The following ARRDC2 variants were observed in gnomAD, a reference collection of about 807,000 sequenced individuals.
The protein encoded by ARRDC2 is arrestin domain-containing protein 2.
ARRDC2 carries 39 observed loss-of-function variants against 38.9 expected under a neutral mutation model. The observed-to-expected ratio is 1.00, with a 90% confidence interval of 0.78 to 1.31. The LOEUF is 1.31. Among genes scored for constraint, ARRDC2 ranks in the 50% most tolerant of loss-of-function variants. The pLI is 0.00. For synonymous variants in ARRDC2, 300 were observed against 261.9 expected, an observed-to-expected ratio of 1.15 and a Z score of -1.41; for missense variants, 553 against 588.4, an observed-to-expected ratio of 0.94 and a Z score of 0.62.
chr19:18,008,332 G>C lies in ARRDC2; in HGVS notation c.22G>C (p.Ala8Pro). ...CGCGATGCTATTCGACAAGGTGAAA[G>C]CGTTCTCGGTGCAGTTGGACGGCGC... Reference protein sequence around the residue: MLFDKVKAFSVQLDGATA... With the variant: MLFDKVKPFSVQLDGATA... The change falls in exon 1 of 8, where the codon GCG becomes CCG. Residue 8 changes from alanine (A) to proline (P), a missense_variant. Ala to Pro is a conservative substitution (Grantham distance 27). Transcript: ENST00000222250. 1 of 1,597,104 alleles carries C rather than the reference G, an allele frequency of 6.3e-7. No individual in the cohort carries two copies. The highest frequency in any genetic ancestry group is 1.1e-5 in the South Asian group (1 of 91,020).
rs1263820136 is a variant in ARRDC2 at position 18,009,774 on chromosome 19, T to C, written c.593-9T>C. The stretch of plus-strand genomic sequence containing the variant: ...GGGGAAACTGAGGCCCCACTGCTCC[T>C]TGCTGCAGGAGAGGTCATCCCTGTC... On this transcript the variant is annotated splice_polypyrimidine_tract_variant and intron_variant, in intron 4 of 7. Coordinates refer to ENST00000222250, the MANE Select transcript of ARRDC2 (RefSeq NM_015683.2). 2 of 1,613,106 alleles carry C rather than the reference T, an allele frequency of 1.2e-6. No individual in the cohort carries two copies. Among genetic ancestry groups the C allele is most frequent in the East Asian group, 4.5e-5 (2 of 44,884 alleles).
Position 18,013,189 on chromosome 19 carries a change from C to T in ARRDC2, c.*223C>T. 1.8e-6 allele frequency: 1 copy of T among 571,382 alleles called. No homozygotes were observed. The highest frequency in any genetic ancestry group is 3.1e-6 in the Non-Finnish European group (1 of 321,018). The allele number at this position is 571,382 out of a possible 1,614,324, so 35.4% of individuals were successfully genotyped here. ...GCTGTCCTTGTGAGGCATTGAATGCCCAGTGCAGTATCCGAGAGACTGTTT... is the reference window on the plus strand; with the variant it reads ...GCTGTCCTTGTGAGGCATTGAATGCTCAGTGCAGTATCCGAGAGACTGTTT... On this transcript the variant is annotated 3_prime_UTR_variant, in exon 8 of 8. Coordinates refer to ENST00000222250, the MANE Select transcript of ARRDC2 (RefSeq NM_015683.2).
chr19:18,004,499 G>A (rs2033234407), upstream of ARRDC2, among the ~76,000 whole-genome samples: 1 of 149,870 alleles, frequency 6.7e-6, no homozygotes, highest in African/African-American at 2.4e-5. Flanking sequence ...CGCCTGCCTC[G>A]GCCTCCCAAA....
In ARRDC2 at chr19:18,009,602, C is replaced by CG; in HGVS notation, c.505dup (p.Ala169GlyfsTer12). ...CCTCTACACCGACAGGCACCTCAAG[C>CG]GGGGGCTCGGGAAAAGGTTGCCCGA... On this transcript the variant is annotated frameshift_variant, in exon 4 of 8. Coordinates refer to ENST00000222250, the MANE Select transcript of ARRDC2 (RefSeq NM_015683.2). LOFTEE classifies it high-confidence loss of function. 6.2e-7 allele frequency: 1 copy of CG among 1,602,184 alleles called. No homozygotes were observed. The highest frequency in any genetic ancestry group is 8.5e-7 in the Non-Finnish European group (1 of 1,171,340).
chr19:18,003,435 T>TTTTTGTTTTG (rs373419036), upstream of ARRDC2, among the ~76,000 whole-genome samples: 93 of 149,894 alleles, frequency 6.2e-4, no homozygotes, highest in South Asian at 1.1e-3. Context: ...CCCGGCTAAC[T>TTTTTGTTTTG]TTTTGTTTTG....
upstream of ARRDC2, among the ~76,000 whole-genome samples, chr19:18,005,853 G>C (rs1352560001): frequency 6.7e-6 from 1 of 148,774 alleles, no homozygotes; most frequent in Admixed American, 6.7e-5. Context: ...GGGCGGAGGG[G>C]CTCCTCACTT....
Position 18,013,286 on chromosome 19 carries a change from C to A in ARRDC2, c.*320C>A. The A allele has an allele frequency of 3.1e-6, 1 of 317,880 alleles. No homozygotes were observed. The highest frequency in any genetic ancestry group is 5.3e-5 in the South Asian group (1 of 18,902). 19.7% of individuals were successfully genotyped at this position (317,880 alleles called of 1,614,324 possible). The stretch of plus-strand genomic sequence containing the variant: ...AGCCTTCAGTCTGGGAGAAACAGAG[C>A]CAGACATAGACAGTTCCAGCATCAC... On this transcript the variant is annotated 3_prime_UTR_variant, in exon 8 of 8. Coordinates refer to ENST00000222250, the MANE Select transcript of ARRDC2 (RefSeq NM_015683.2).
upstream of ARRDC2, chr19:18,008,121 A>AGCCCGATAAAATAGGGG: frequency 2.7e-6 from 1 of 364,080 alleles, no homozygotes; most frequent in Non-Finnish European, 4.2e-6. Context: ...CGGTGACCCC[A>AGCCCGATAAAATAGGGG]CCCCCCCCCG....
intron 1 of ARRDC2, among the ~76,000 whole-genome samples, chr19:18,002,386 G>A (rs763511066): frequency 2.0e-5 from 3 of 152,188 alleles, no homozygotes; most frequent in Admixed American, 6.5e-5. Flanking sequence ...CACCCCAAGC[G>A]CCCCTAGGCC....
rs778616471 is a variant in ARRDC2 at position 18,010,559 on chromosome 19, C to G, written c.1013-13C>G. The G allele has an allele frequency of 2.5e-6, 4 of 1,613,120 alleles. No individual in the cohort carries two copies. In the South Asian group the frequency reaches 4.4e-5, roughly 18 times the overall value. On this transcript the variant is annotated splice_polypyrimidine_tract_variant and intron_variant, in intron 6 of 7. Transcript: ENST00000222250. Reference sequence around the variant, plus strand: ...CTCCTGCCAACCTCACCCACCCTGTCTCTCGCTTCCAGCTCCTCCTGAGTA... The same window carrying G: ...CTCCTGCCAACCTCACCCACCCTGTGTCTCGCTTCCAGCTCCTCCTGAGTA...
Position 18,010,274 on chromosome 19 carries a change from T to C in ARRDC2, c.928T>C (p.Phe310Leu). ...GATCGGCACCATTCCCTTGCACCCTTTTGGCAGCCGTTCCTCCAGCGTGGG... is the reference window on the plus strand; with the variant it reads ...GATCGGCACCATTCCCTTGCACCCTCTTGGCAGCCGTTCCTCCAGCGTGGG... ...LVIGTIPLHP[F>L]GSRSSSVGSH... Residue 310 changes from phenylalanine (F) to leucine (L), a missense_variant, in exon 6 of 8, where the codon TTT (phenylalanine) becomes CTT (leucine). Phe to Leu is a conservative substitution (Grantham distance 22, BLOSUM62 0). Coordinates refer to ENST00000222250, the MANE Select transcript of ARRDC2 (RefSeq NM_015683.2). 1 of 1,613,716 alleles carries C rather than the reference T, an allele frequency of 6.2e-7. No homozygotes were observed.
upstream of ARRDC2, among the ~76,000 whole-genome samples, chr19:18,005,514 C>T (rs1455143700): frequency 1.3e-5 from 2 of 151,826 alleles, no homozygotes; most frequent in Non-Finnish European, 2.9e-5. Context: ...GGTACACCTC[C>T]CAGACGGGGT....
chr19:18,012,735 G>A (rs955171191), intron 7 of ARRDC2, among the ~76,000 whole-genome samples, 178 bp from the exon 8 acceptor site: 4 of 152,148 alleles, frequency 2.6e-5, no homozygotes, highest in Non-Finnish European at 5.9e-5. Context: ...GGATACCAAG[G>A]GACGGTATAC....
In ARRDC2 at chr19:18,009,611, G is replaced by A. The variant is rs773015993; in HGVS notation, c.509G>A (p.Arg170Gln). The change falls in exon 4 of 8, where the codon CGG becomes CAG. Residue 170 changes from arginine (R) to glutamine (Q), a missense_variant. Arg to Gln is a conservative substitution (Grantham distance 43, BLOSUM62 1). Coordinates refer to ENST00000222250, the MANE Select transcript of ARRDC2 (RefSeq NM_015683.2). The stretch of plus-strand genomic sequence containing the variant: ...CGACAGGCACCTCAAGCGGGGGCTC[G>A]GGAAAAGGTTGCCCGATCCTGGTAC... ...PALLAPQAGA[R>Q]EKVARSWYCN... The A allele has an allele frequency of 3.0e-5, 48 of 1,603,508 alleles. No individual in the cohort carries two copies. The highest frequency in any genetic ancestry group is 1.4e-4 in the Admixed American group (8 of 59,250).
In ARRDC2 at chr19:18,010,293, G is replaced by C. The variant is rs1379638549; in HGVS notation, c.947G>C (p.Ser316Thr). 1 of 1,613,370 alleles carries C rather than the reference G, an allele frequency of 6.2e-7. No homozygotes were observed. Among genetic ancestry groups the C allele is most frequent in the South Asian group, 1.1e-5 (1 of 91,092 alleles). ...PLHPFGSRSS[S>T]VGSHASFLLD... ...CACCCTTTTGGCAGCCGTTCCTCCA[G>C]CGTGGGCAGCCACGCCAGCTTCCTG... Residue 316 changes from serine (S) to threonine (T), a missense_variant, in exon 6 of 8, where the codon AGC (serine) becomes ACC (threonine). Ser to Thr is a moderately conservative substitution (Grantham distance 58, BLOSUM62 1). This residue lies in a region of ARRDC2 where 6 missense variants were observed against 24.2 expected (regional missense o/e 0.25). Transcript: ENST00000222250.
upstream of ARRDC2, among the ~76,000 whole-genome samples, chr19:18,006,875 C>CAGTAT (rs1318218982): frequency 1.4e-4 from 21 of 152,252 alleles, no homozygotes; most frequent in African/African-American, 4.6e-4. Flanking sequence ...TACTGTCTCC[C>CAGTAT]CTCTAGTATC....
rs1298060052 is a variant in ARRDC2, at chr19:18,012,947, C to T, written c.1205C>T (p.Pro402Leu). The change falls in exon 8 of 8, where the codon CCG becomes CTG. Residue 402 changes from proline (P) to leucine (L), a missense_variant. Physicochemically the swap from Pro to Leu is moderately conservative, Grantham distance 98. This residue lies in a region of ARRDC2 where 100 missense variants were observed against 107.6 expected (regional missense o/e 0.93). Coordinates refer to ENST00000222250, the MANE Select transcript of ARRDC2 (RefSeq NM_015683.2). ...AACCCACTCTTGGGGGACATGAGGC[C>T]GCGCTGCATGACTTGCTGAACGGCA... ...DPNPLLGDMR[P>L]RCMTC 8 of 1,613,720 alleles carry T rather than the reference C, an allele frequency of 5.0e-6. No homozygotes were observed. In the Admixed American group the frequency reaches 5.0e-5, roughly 10 times the overall value.
Position 18,010,055 on chromosome 19 carries a change from G to A in ARRDC2, c.849+16G>A, listed in dbSNP as rs1169698118. ...CGCACTCAAGGTAGGGCATCCTGCT[G>A]GCCCTGGGGGACAGTGCCTACATTC... is the stretch of plus-strand genomic sequence containing the variant. On this transcript the variant is annotated intron_variant, in intron 5 of 7. Transcript: ENST00000222250. The A allele has an allele frequency of 1.2e-6, 2 of 1,603,436 alleles. No individual in the cohort carries two copies. Among genetic ancestry groups the A allele is most frequent in the Admixed American group, 3.4e-5 (2 of 58,814 alleles).
chr19:18,006,049 C>T (rs1045854291), upstream of ARRDC2, among the ~76,000 whole-genome samples: 58 of 151,464 alleles, frequency 3.8e-4, 1 homozygote, highest in Non-Finnish European at 1.2e-4. Context: ...CAGAGACGCT[C>T]CTCACTTCGT....
Sources: allele counts gnomAD v4.1 joint callset (sites outside exome capture counted in the v4.1 genomes callset), GRCh38; gene constraint gnomAD v4.1.1; regional missense constraint gnomAD v4.1.1; transcripts MANE v1.5; gene names NCBI Gene and HGNC (gene_info 2026-07-23, HGNC 2026-07-21).